ACACA: variants seen among roughly 807,000 people sequenced by gnomAD.
The protein encoded by ACACA is acetyl-CoA carboxylase 1.
ACACA carries 103 observed loss-of-function variants against 296.1 expected under a neutral mutation model. The ratio of observed to expected loss-of-function variants is 0.35; its 90% confidence interval spans 0.30 to 0.41. The LOEUF (loss-of-function observed/expected upper bound fraction) is 0.41, where lower values mean the gene tolerates loss of function less well. Ranked by LOEUF, ACACA falls within the 10% of genes least tolerant of loss-of-function variation. ACACA has a pLI of 1.00. For synonymous variants in ACACA, 953 were observed against 1,038.6 expected, an observed-to-expected ratio of 0.92 and a Z score of 1.58; for missense variants, 1,554 against 2,989.7, an observed-to-expected ratio of 0.52 and a Z score of 11.20.
chr17:37,113,026 G>T lies in ACACA; in HGVS notation c.6452+62C>A. 6.3e-7 allele frequency: 1 copy of T among 1,598,638 alleles called. No homozygotes were observed. Among genetic ancestry groups the T allele is most frequent in the South Asian group, 1.1e-5 (1 of 90,290 alleles). On this transcript the variant is annotated intron_variant, in intron 51 of 55. Transcript: ENST00000616317. The surrounding 1 kb of genome is among the most constrained non-coding windows in gnomAD (Gnocchi z 4.0). ...GTGCCATGGCTGTAACATTCTCCAG[G>T]AGGAAACCAACAGCTACAGGGTCCC...
chr17:37,104,895 T>C (rs868145649), intron 52 of ACACA, among the ~76,000 whole-genome samples: 18 of 131,950 alleles, frequency 1.4e-4, no homozygotes, highest in South Asian at 9.3e-4. Flanking sequence ...GCTGTGATCA[T>C]GACACTGCAC....
chr17:37,325,217 T>C (rs901672882), intron 3 of ACACA, among the ~76,000 whole-genome samples: 3 of 147,396 alleles, frequency 2.0e-5, no homozygotes, highest in African/African-American at 7.5e-5. Flanking sequence ...AAAAAAAAAA[T>C]TAGTGCGGCA....
At chr17:37,239,445 C>T (rs2080281191) in intron 24 of ACACA, among the ~76,000 whole-genome samples, 1 of 152,142 alleles carries the variant, frequency 6.6e-6, no homozygotes, top group African/African-American at 2.4e-5. Context: ...TGTCTTATTC[C>T]TAATCTTAAA....
chr17:37,202,583 G>A (rs2078296881), intron 33 of ACACA, among the ~76,000 whole-genome samples: 2 of 149,888 alleles, frequency 1.3e-5, no homozygotes, highest in South Asian at 2.1e-4. Flanking sequence ...AAACTGCTAG[G>A]AGCATGATCA....
At chr17:37,167,677 ATAT>A (rs1029160308) in intron 41 of ACACA, among the ~76,000 whole-genome samples, 7 of 148,508 alleles carry the variant, frequency 4.7e-5, no homozygotes, top group African/African-American at 1.8e-4. Flanking sequence ...AATTAAAAAG[ATAT>A]TAGTACAAAA....
chr17:37,387,138 G>C (rs2050574606), intron 1 of ACACA: 1 of 151,832 alleles, frequency 6.6e-6, no homozygotes, highest in Non-Finnish European at 1.5e-5. Context: ...TATTTGTTTT[G>C]ATATGGAGTC....
chr17:37,402,743 G>C (rs1479413675), intron 1 of ACACA, among the ~76,000 whole-genome samples: 1 of 151,962 alleles, frequency 6.6e-6, no homozygotes, highest in Non-Finnish European at 1.5e-5. Flanking sequence ...CACGATCTCA[G>C]CTCACTGCAA....
intron 10 of ACACA, among the ~76,000 whole-genome samples, chr17:37,268,741 C>CTATCTATATATATATATATA (rs1219982787): frequency 2.1e-5 from 2 of 94,510 alleles, no homozygotes; most frequent in African/African-American, 8.0e-5. Context: ...ATCTATCTAT[C>CTATCTATATATATATATATA]TATATATATA....
chr17:37,248,379 C>T (rs990615313), intron 17 of ACACA, among the ~76,000 whole-genome samples: 1 of 152,176 alleles, frequency 6.6e-6, no homozygotes, highest in Non-Finnish European at 1.5e-5. Context: ...CTCTGTCTCT[C>T]CTTTATCTCT....
At chr17:37,259,275 T>G (rs1282113478) in intron 12 of ACACA, 85 bp downstream of exon 12, 2 of 1,479,894 alleles carry the variant, frequency 1.4e-6, no homozygotes, top group Non-Finnish European at 1.9e-6. Flanking sequence ...AGGAGGTGCT[T>G]TTCTCTTATC....
In ACACA at chr17:37,161,763, T is replaced by C. The variant is rs763641323; in HGVS notation, c.5349+18A>G. On this transcript the variant is annotated intron_variant, in intron 42 of 55. Coordinates refer to ENST00000616317, the MANE Select transcript of ACACA (RefSeq NM_198834.3). ...AACCATATAGCACCTTGAAGTAGTA[T>C]ATGCTCTTAGTGTGTACCTTGTAAG... 1.3e-5 allele frequency: 21 copies of C among 1,607,018 alleles called. No individual in the cohort carries two copies. Among genetic ancestry groups the C allele is most frequent in the Non-Finnish European group, 1.7e-5 (20 of 1,179,938 alleles).
rs111400374 is a variant in ACACA, at chr17:37,353,834, A to G, written c.39-13984T>C. On this transcript the variant is annotated intron_variant, in intron 1 of 55. Coordinates refer to ENST00000616317, the MANE Select transcript of ACACA (RefSeq NM_198834.3). ...TCGGAATTTTCCAACTTTGCTGGGC[A>G]TGGTGGCTCATACTTGTAATCCCAA... is the stretch of plus-strand genomic sequence containing the variant. Among the ~76,000 whole-genome samples the G allele has an allele frequency of 7.1e-3, 1,086 of 152,110 alleles. 5 individuals are homozygous for G. The highest frequency in any genetic ancestry group is 0.023 in the African/African-American group (950 of 41,500).
intron 15 of ACACA, among the ~76,000 whole-genome samples, chr17:37,252,335 A>AAG (rs1173688428): frequency 6.6e-6 from 1 of 152,218 alleles, no homozygotes; most frequent in African/African-American, 2.4e-5. Flanking sequence ...TTTTCTCCCT[A>AAG]AGACTTCCAC....
intron 5 of ACACA, among the ~76,000 whole-genome samples, chr17:37,279,719 G>C (rs550616042): frequency 6.6e-6 from 1 of 152,136 alleles, no homozygotes; most frequent in East Asian, 1.9e-4. Flanking sequence ...GCTGAGGCAT[G>C]AGAGTCGCTT....
At chr17:37,339,376 T>TC (rs2048283151) in intron 2 of ACACA, among the ~76,000 whole-genome samples, 1 of 152,182 alleles carries the variant, frequency 6.6e-6, no homozygotes, top group Admixed American at 6.5e-5. Context: ...AAGGCCAACT[T>TC]CAAGTTCCTA....
At chr17:37,362,160 AC>A (rs1450060139) in intron 1 of ACACA, among the ~76,000 whole-genome samples, 1 of 152,192 alleles carries the variant, frequency 6.6e-6, no homozygotes, top group Non-Finnish European at 1.5e-5. Flanking sequence ...AACTGCTGAC[AC>A]CTTAATCTTG....
chr17:37,208,000 A>T (rs1038623801), intron 30 of ACACA, among the ~76,000 whole-genome samples, 200 bp from the exon 31 acceptor site: 2 of 152,170 alleles, frequency 1.3e-5, no homozygotes, highest in Non-Finnish European at 2.9e-5. Context: ...CCCTAAATAA[A>T]CTATATTTTC....
intron 3 of ACACA, among the ~76,000 whole-genome samples, chr17:37,302,132 C>G (rs1025888002): frequency 1.3e-5 from 2 of 151,604 alleles, no homozygotes; most frequent in Non-Finnish European, 2.9e-5. Context: ...AACACCACCA[C>G]GCCCAGCTAA....
chr17:37,117,150 CAG>C (rs2074297170), intron 50 of ACACA, among the ~76,000 whole-genome samples: 1 of 152,194 alleles, frequency 6.6e-6, no homozygotes, highest in South Asian at 2.1e-4. Context: ...AACAGGGTGG[CAG>C]AGTGTTTCCA....
Sources: gnomAD v4.1 joint callset for allele counts (sites outside exome capture counted in the v4.1 genomes callset) on GRCh38, gnomAD v4.1.1 for gene constraint, Gnocchi (gnomAD v3.1) non-coding constraint, MANE v1.5 for transcripts, NCBI Gene and HGNC (gene_info 2026-07-23, HGNC 2026-07-21) for gene names.